The following DPYD variants were observed in gnomAD, a reference collection of about 807,000 sequenced individuals.
DPYD encodes the protein dihydropyrimidine dehydrogenase [NADP(+)].
In DPYD, 109 loss-of-function variants were observed where a neutral mutation model predicts 116.2. The observed-to-expected ratio is 0.94, with a 90% CI of 0.80 to 1.10. The LOEUF (loss-of-function observed/expected upper bound fraction) is 1.10, where lower values mean the gene tolerates loss of function less well. DPYD is among the 50% of genes least tolerant of loss of function. The probability of loss-of-function intolerance (pLI) is 0.00; values close to 1 mark genes in which losing one functional copy is unlikely to be tolerated. For synonymous variants in DPYD, 440 were observed against 432.0 expected (o/e 1.02, Z -0.23); for missense variants, 1,302 against 1,254.5 (o/e 1.04, Z -0.57).
chr1:97,611,459 G>T (rs996199246), intron 8 of DPYD, among the ~76,000 whole-genome samples: 7 of 151,958 alleles, frequency 4.6e-5, no homozygotes, highest in Non-Finnish European at 1.0e-4. Context: ...TTTTTCTATA[G>T]AGAGAAAAAA....
intron 2 of DPYD, among the ~76,000 whole-genome samples, chr1:97,877,864 G>T (rs79645286): frequency 2.6e-5 from 4 of 151,950 alleles, no homozygotes; most frequent in Non-Finnish European, 5.9e-5. Context: ...ATGAAAGCGT[G>T]AATGAGATTG....
chr1:97,765,046 A>G (rs1665775684), intron 3 of DPYD, among the ~76,000 whole-genome samples: 1 of 152,166 alleles, frequency 6.6e-6, no homozygotes, highest in Admixed American at 6.5e-5. Flanking sequence ...TCTTCTTTAA[A>G]TATTTATTTC....
chr1:97,885,664 T>A (rs893849970), intron 1 of DPYD, among the ~76,000 whole-genome samples: 1 of 152,172 alleles, frequency 6.6e-6, no homozygotes, highest in East Asian at 1.9e-4. Flanking sequence ...CAGCTACTAC[T>A]CTCTCAATAC....
intron 18 of DPYD, among the ~76,000 whole-genome samples, chr1:97,236,979 G>A (rs985106264): frequency 3.3e-5 from 5 of 152,140 alleles, no homozygotes; most frequent in African/African-American, 9.7e-5. Flanking sequence ...CACTTTGGGA[G>A]GCCGAGGCAG....
At chr1:97,396,411 C>A (rs1368505972) in intron 14 of DPYD, among the ~76,000 whole-genome samples, 2 of 146,460 alleles carry the variant, frequency 1.4e-5, no homozygotes, top group Non-Finnish European at 3.0e-5. Flanking sequence ...TAATTTTATT[C>A]AATGTGTGTC....
intron 20 of DPYD, among the ~76,000 whole-genome samples, chr1:97,106,834 A>G (rs746506373): frequency 2.0e-4 from 31 of 152,156 alleles, no homozygotes; most frequent in Non-Finnish European, 3.7e-4. Context: ...ATACCTATAT[A>G]TAACCAATGG....
intron 20 of DPYD, among the ~76,000 whole-genome samples, chr1:97,189,517 ATTTC>A (rs1448578282): frequency 6.6e-6 from 1 of 152,128 alleles, no homozygotes; most frequent in Non-Finnish European, 1.5e-5. Context: ...GGACTGTCCA[ATTTC>A]TTTCATGTTT....
chr1:97,569,024 G>T (rs1475030750), intron 11 of DPYD, among the ~76,000 whole-genome samples: 1 of 152,078 alleles, frequency 6.6e-6, no homozygotes, highest in Non-Finnish European at 1.5e-5. Flanking sequence ...CAGAATCACA[G>T]AATGAGCTAA....
At chr1:97,642,893 T>A (rs137963308) in intron 8 of DPYD, among the ~76,000 whole-genome samples, 3,519 of 143,332 alleles carry the variant, frequency 0.025, 67 homozygotes, top group East Asian at 0.048. Flanking sequence ...ATAATAAAAT[T>A]AAATTAAATT....
intron 19 of DPYD, among the ~76,000 whole-genome samples, chr1:97,203,277 A>C (rs1190673517): frequency 6.6e-6 from 1 of 152,134 alleles, no homozygotes; most frequent in Non-Finnish European, 1.5e-5. Flanking sequence ...GAAACTAAAC[A>C]TCCAAACAAT....
At chr1:97,323,233 T>C (rs1668413501) in intron 16 of DPYD, among the ~76,000 whole-genome samples, 2 of 146,960 alleles carry the variant, frequency 1.4e-5, no homozygotes, top group Admixed American at 1.4e-4. Context: ...CATATGTATA[T>C]ATGTATACAC....
intron 8 of DPYD, among the ~76,000 whole-genome samples, chr1:97,665,029 C>A (rs1044423809): frequency 6.6e-6 from 1 of 152,054 alleles, no homozygotes; most frequent in African/African-American, 2.4e-5. Flanking sequence ...GAGATTAATA[C>A]TCTGTCTTTT....
At chr1:97,507,600 T>C (rs1295388374) in intron 13 of DPYD, among the ~76,000 whole-genome samples, 1 of 152,030 alleles carries the variant, frequency 6.6e-6, no homozygotes, top group Non-Finnish European at 1.5e-5. Flanking sequence ...ATGTTTTGTA[T>C]TGTAATCCAT....
intron 8 of DPYD, among the ~76,000 whole-genome samples, chr1:97,612,952 TACTG>T (rs999349882): frequency 2.0e-5 from 3 of 152,002 alleles, no homozygotes; most frequent in African/African-American, 4.8e-5. Flanking sequence ...GAAATTTTCT[TACTG>T]ATTATTATAG....
At chr1:97,782,385 A>G (rs17117167) in intron 3 of DPYD, among the ~76,000 whole-genome samples, 4,358 of 152,276 alleles carry the variant, frequency 0.029, 203 homozygotes, top group African/African-American at 0.095. Context: ...GCAGCACAAC[A>G]GACAGCAGTC....
intron 16 of DPYD, among the ~76,000 whole-genome samples, chr1:97,314,999 C>G (rs1667731286): frequency 6.6e-6 from 1 of 151,950 alleles, no homozygotes; most frequent in South Asian, 2.1e-4. Flanking sequence ...GGCTCAGACC[C>G]TGCATGGTAG....
Position 97,286,777 on chromosome 1 carries a change from C to A in DPYD, c.2299+18482G>T, listed in dbSNP as rs1235433728. ...CCTTGGCTCTCAGCTCCATCAGCTCCTTTAAGCACTTCTCTGTATTGGTTA... is the reference window on the plus strand; with the variant it reads ...CCTTGGCTCTCAGCTCCATCAGCTCATTTAAGCACTTCTCTGTATTGGTTA... On this transcript the variant is annotated intron_variant, in intron 18 of 22. Coordinates refer to ENST00000370192, the MANE Select transcript of DPYD (RefSeq NM_000110.4). 2.0e-5 allele frequency among the ~76,000 whole-genome samples: 3 copies of A among 152,350 alleles called. No homozygotes were observed. In the East Asian group the frequency reaches 5.8e-4, roughly 29 times the overall value.
In DPYD at chr1:97,650,015, T is replaced by C. The variant is rs150640511; in HGVS notation, c.850+29080A>G. Reference sequence around the variant, plus strand: ...CTTTTTCCAAATGCAAATCTGATCATTTCACTTCCCAACCTAGCTATCTAC... The same window carrying C: ...CTTTTTCCAAATGCAAATCTGATCACTTCACTTCCCAACCTAGCTATCTAC... On this transcript the variant is annotated intron_variant, in intron 8 of 22. Transcript: ENST00000370192. Among the ~76,000 whole-genome samples the C allele has an allele frequency of 1.6e-4, 24 of 152,140 alleles. 1 individual carries two copies. In the East Asian group the frequency reaches 4.4e-3, roughly 28 times the overall value.
chr1:97,126,769 G>T (rs1652876859), intron 20 of DPYD, among the ~76,000 whole-genome samples: 1 of 152,128 alleles, frequency 6.6e-6, no homozygotes, highest in Non-Finnish European at 1.5e-5. Context: ...CAGGTGAATG[G>T]TAGCTAAAAC....
Sources: gnomAD v4.1 joint callset for allele counts (sites outside exome capture counted in the v4.1 genomes callset) on GRCh38, gnomAD v4.1.1 for gene constraint, MANE v1.5 for transcripts, NCBI Gene and HGNC (gene_info 2026-07-23, HGNC 2026-07-21) for gene names.